MSI2: variants seen among roughly 807,000 people sequenced by gnomAD.
MSI2 encodes the protein musashi RNA binding protein 2, also known as RNA-binding protein Musashi homolog 2.
In MSI2, 17 loss-of-function variants were observed where a neutral mutation model predicts 45.6. That is an observed-to-expected ratio of 0.37 (90% CI 0.26 to 0.56). MSI2 has a LOEUF of 0.56. Among genes scored for constraint, MSI2 ranks in the 20% least tolerant of loss-of-function variants. The pLI is 0.77. For synonymous variants in MSI2, 156 were observed against 158.2 expected (o/e 0.99, Z 0.11); for missense variants, 293 against 444.2 (o/e 0.66, Z 3.06).
rs569874808 is a variant in MSI2 at position 57,524,790 on chromosome 17, C to T, written c.406-4886C>T. 1.1e-4 allele frequency among the ~76,000 whole-genome samples: 17 copies of T among 152,254 alleles called. No individual in the cohort carries two copies. In the South Asian group the frequency reaches 3.5e-3, roughly 32 times the overall value. On this transcript the variant is annotated intron_variant, in intron 6 of 13. Transcript: ENST00000284073. ...GCCACACTGAAGTGTGGAACTTGCT[C>T]CTAGATGGGAAATTTTGTTTCATGT...
In MSI2 at chr17:57,581,956, G is replaced by A. The variant is rs958812824; in HGVS notation, c.455-14912G>A. Among the ~76,000 whole-genome samples, 9 of 152,318 alleles carry A rather than the reference G, an allele frequency of 5.9e-5. No individual in the cohort carries two copies. The East Asian group carries it at 7.7e-4, about 13-fold the overall frequency. On this transcript the variant is annotated intron_variant, in intron 7 of 13. Coordinates refer to ENST00000284073, the MANE Select transcript of MSI2 (RefSeq NM_138962.4). Reference sequence around the variant, plus strand: ...TGAGACGAGTTCAGGTATGGCTGCCGTTAACATGCAGGAGACAAGCATCTC... The same window carrying A: ...TGAGACGAGTTCAGGTATGGCTGCCATTAACATGCAGGAGACAAGCATCTC...
intron 6 of MSI2, among the ~76,000 whole-genome samples, chr17:57,422,753 C>T (rs1358186984): frequency 6.6e-6 from 1 of 152,234 alleles, no homozygotes; most frequent in African/African-American, 2.4e-5. Flanking sequence ...GCGTAAATCA[C>T]CATCATCACT....
At chr17:57,411,688 T>G (rs1426445188) in intron 6 of MSI2, among the ~76,000 whole-genome samples, 1 of 152,092 alleles carries the variant, frequency 6.6e-6, no homozygotes, top group Non-Finnish European at 1.5e-5. Flanking sequence ...GGGGTGGCCC[T>G]GACCAGTTGT....
At chr17:57,337,712 G>C (rs1357894303) in intron 5 of MSI2, among the ~76,000 whole-genome samples, 2 of 152,136 alleles carry the variant, frequency 1.3e-5, no homozygotes, top group Non-Finnish European at 2.9e-5. Context: ...CCAAAACAGC[G>C]GCTGCTTGCT....
intron 7 of MSI2, among the ~76,000 whole-genome samples, chr17:57,583,573 C>T (rs984719008): frequency 1.3e-5 from 2 of 149,650 alleles, no homozygotes; most frequent in Non-Finnish European, 2.9e-5. Flanking sequence ...CAGCCTTGAC[C>T]TCCTGAGCTC....
At chr17:57,367,311 G>A (rs1440299680) in intron 5 of MSI2, among the ~76,000 whole-genome samples, 1 of 152,148 alleles carries the variant, frequency 6.6e-6, no homozygotes, top group Non-Finnish European at 1.5e-5. Flanking sequence ...CAAATTTTAA[G>A]TTGTATCAGG....
downstream of MSI2, among the ~76,000 whole-genome samples, chr17:57,687,763 TAAAAC>T (rs1490789582): frequency 6.6e-6 from 1 of 151,972 alleles, no homozygotes; most frequent in Non-Finnish European, 1.5e-5. Context: ...AATACAGTAA[TAAAAC>T]AAAAAATATA....
At chr17:57,550,694 G>T (rs2087283118) in intron 7 of MSI2, among the ~76,000 whole-genome samples, 1 of 152,148 alleles carries the variant, frequency 6.6e-6, no homozygotes, top group African/African-American at 2.4e-5. Context: ...TTGAAGCCGG[G>T]CTGGAAAATG....
intron 6 of MSI2, among the ~76,000 whole-genome samples, chr17:57,447,393 T>C (rs1044992792): frequency 6.6e-5 from 10 of 152,346 alleles, no homozygotes; most frequent in African/African-American, 2.2e-4. Context: ...CGCAAGCCAC[T>C]GTGCCCAGCT....
At chr17:57,659,797 A>G (rs1328430833) in intron 11 of MSI2, among the ~76,000 whole-genome samples, 3 of 152,232 alleles carry the variant, frequency 2.0e-5, no homozygotes, top group Non-Finnish European at 4.4e-5. Context: ...TTCTAGCTCT[A>G]TATAGGCCAA....
intron 5 of MSI2, among the ~76,000 whole-genome samples, chr17:57,314,218 C>G (rs1212059816): frequency 6.6e-6 from 1 of 152,064 alleles, no homozygotes; most frequent in Non-Finnish European, 1.5e-5. Flanking sequence ...TGGATTAGGG[C>G]CCACCCTAAT....
intron 8 of MSI2, among the ~76,000 whole-genome samples, chr17:57,606,794 G>A (rs564740994): frequency 6.6e-5 from 10 of 152,160 alleles, no homozygotes; most frequent in African/African-American, 2.4e-4. Flanking sequence ...AAGGAGATCA[G>A]TTGTGGAAGC....
intron 7 of MSI2, among the ~76,000 whole-genome samples, chr17:57,589,105 C>T (rs1904582055): frequency 6.6e-6 from 1 of 152,122 alleles, no homozygotes; most frequent in Admixed American, 6.5e-5. Context: ...TAGCCCTTCC[C>T]ACCTTACAAA....
intron 6 of MSI2, among the ~76,000 whole-genome samples, chr17:57,472,924 C>A (rs1567844669): frequency 6.6e-6 from 1 of 151,504 alleles, no homozygotes; most frequent in Non-Finnish European, 1.5e-5. Flanking sequence ...TGGAGCCTTG[C>A]TCTTGTCGCC....
intron 13 of MSI2, among the ~76,000 whole-genome samples, chr17:57,677,843 C>G (rs896552778): frequency 2.6e-5 from 4 of 152,092 alleles, no homozygotes; most frequent in Non-Finnish European, 5.9e-5. Flanking sequence ...GCCACACACT[C>G]CTTTGGAAAT....
chr17:57,613,837 T>A (rs937525095), intron 8 of MSI2, among the ~76,000 whole-genome samples: 3 of 152,224 alleles, frequency 2.0e-5, no homozygotes, highest in African/African-American at 7.2e-5. Context: ...GTTGAACCAT[T>A]TTGTCCACTT....
intron 5 of MSI2, among the ~76,000 whole-genome samples, chr17:57,277,584 T>G (rs1434451969): frequency 2.0e-5 from 3 of 152,168 alleles, no homozygotes; most frequent in South Asian, 4.1e-4. Context: ...GCAGTGCTGA[T>G]TAGGGCTTAA....
Position 57,409,877 on chromosome 17 carries a change from G to C in MSI2, c.405+8406G>C, listed in dbSNP as rs565887380. On this transcript the variant is annotated intron_variant, in intron 6 of 13. Coordinates refer to ENST00000284073, the MANE Select transcript of MSI2 (RefSeq NM_138962.4). Reference sequence around the variant, plus strand: ...CAAAAAATTAACTGAGCGTGGTGGTGGGCACCTGTAATCCCAGCTACTCGG... The same window carrying C: ...CAAAAAATTAACTGAGCGTGGTGGTCGGCACCTGTAATCCCAGCTACTCGG... 2.1e-4 allele frequency among the ~76,000 whole-genome samples: 32 copies of C among 151,956 alleles called. No individual in the cohort carries two copies. The South Asian group carries it at 6.7e-3, about 32-fold the overall frequency.
At position 57,616,103 on chromosome 17, in the gene MSI2, G is replaced by A. The variant is rs777307244; in HGVS notation, c.652+19G>A. The stretch of plus-strand genomic sequence containing the variant: ...ATGCTGGGTGAGTCTGGACAGGACC[G>A]CAGGTCACCATGGACTGGGAGGGCT... On this transcript the variant is annotated intron_variant, in intron 9 of 13. Transcript: ENST00000284073. 9.4e-6 allele frequency: 15 copies of A among 1,599,076 alleles called. No homozygotes were observed. The highest frequency in any genetic ancestry group is 2.2e-5 in the East Asian group (1 of 44,644).
Sources: gnomAD v4.1 joint callset for allele counts (sites outside exome capture counted in the v4.1 genomes callset) on GRCh38, gnomAD v4.1.1 for gene constraint, MANE v1.5 for transcripts, NCBI Gene and HGNC (gene_info 2026-07-23, HGNC 2026-07-21) for gene names.